CSMD1: variants seen among roughly 807,000 people sequenced by gnomAD.
CSMD1 encodes the protein CUB and sushi domain-containing protein 1.
CSMD1 carries 213 observed loss-of-function variants against 417.5 expected under a neutral mutation model. That is an observed-to-expected ratio of 0.51 (90% CI 0.46 to 0.57). The LOEUF is 0.57. Among genes scored for constraint, CSMD1 ranks in the 20% least tolerant of loss-of-function variants. The pLI, the probability that CSMD1 is intolerant of heterozygous loss-of-function variation, is 0.00. For missense variants in CSMD1, 6,923 were observed against 4,529.7 expected (o/e 1.53, Z -15.17); for synonymous variants, 2,862 against 1,736.8 (o/e 1.65, Z -16.11).
chr8:4,489,902 G>C (rs1323074431), intron 2 of CSMD1, among the ~76,000 whole-genome samples: 1 of 152,170 alleles, frequency 6.6e-6, no homozygotes, highest in Non-Finnish European at 1.5e-5. Context: ...CAGACACCGT[G>C]AGATCATTCA....
At chr8:3,119,976 G>A (rs767029871) in intron 41 of CSMD1, among the ~76,000 whole-genome samples, 4 of 152,194 alleles carry the variant, frequency 2.6e-5, no homozygotes, top group Non-Finnish European at 4.4e-5. Context: ...CTTTTCTGTG[G>A]AGAATGAAGT....
At chr8:3,739,756 C>A (rs946705283) in intron 6 of CSMD1, among the ~76,000 whole-genome samples, 1 of 151,444 alleles carries the variant, frequency 6.6e-6, no homozygotes, top group Admixed American at 6.6e-5. Flanking sequence ...AAAATAGCAA[C>A]AGATGCTACA....
chr8:3,261,745 C>T lies in CSMD1; in HGVS notation c.4153+22399G>A, dbSNP rs1346773327. On this transcript the variant is annotated intron_variant, in intron 26 of 69. Coordinates refer to ENST00000635120, the MANE Select transcript of CSMD1 (RefSeq NM_033225.6). ...AAAGGTACTGAATGAAGAGGCCAGTCCGAGAGACGACACACTGCCTGATTC... is the reference window on the plus strand; with the variant it reads ...AAAGGTACTGAATGAAGAGGCCAGTTCGAGAGACGACACACTGCCTGATTC... 2.0e-5 allele frequency among the ~76,000 whole-genome samples: 3 copies of T among 152,038 alleles called. No individual in the cohort carries two copies. The South Asian group carries it at 6.2e-4, about 32-fold the overall frequency.
At chr8:3,571,262 G>T (rs1179341625) in intron 10 of CSMD1, among the ~76,000 whole-genome samples, 1 of 152,168 alleles carries the variant, frequency 6.6e-6, no homozygotes, top group East Asian at 1.9e-4. Flanking sequence ...ACACACCTGT[G>T]AATTCTAAAT....
intron 3 of CSMD1, among the ~76,000 whole-genome samples, chr8:4,113,784 T>C (rs1415672140): frequency 1.3e-5 from 2 of 152,190 alleles, no homozygotes; most frequent in Non-Finnish European, 2.9e-5. Flanking sequence ...TCAAGTTATC[T>C]GCATAAAACA....
chr8:3,365,031 G>A (rs1434843434), intron 20 of CSMD1, among the ~76,000 whole-genome samples: 1 of 152,168 alleles, frequency 6.6e-6, no homozygotes, highest in Non-Finnish European at 1.5e-5. Flanking sequence ...TTTTTTTGGA[G>A]AAGTCTATTT....
At chr8:3,863,126 G>C (rs552921507) in intron 5 of CSMD1, among the ~76,000 whole-genome samples, 273 of 152,188 alleles carry the variant, frequency 1.8e-3, no homozygotes, top group Non-Finnish European at 1.9e-3. Flanking sequence ...GGTCGGGCGC[G>C]GTGGCTAATG....
intron 7 of CSMD1, among the ~76,000 whole-genome samples, chr8:3,691,660 G>C (rs529475633): frequency 1.3e-5 from 2 of 152,146 alleles, no homozygotes; most frequent in South Asian, 4.2e-4. Flanking sequence ...TTCGTGGCAG[G>C]CACTGGGCTA....
intron 5 of CSMD1, among the ~76,000 whole-genome samples, chr8:3,989,473 C>CA (rs908370732): frequency 1.6e-4 from 25 of 152,230 alleles, no homozygotes; most frequent in African/African-American, 5.8e-4. Flanking sequence ...GTAACACAGA[C>CA]AAAAAACCTG....
intron 3 of CSMD1, among the ~76,000 whole-genome samples, chr8:4,196,062 T>A (rs1799322679): frequency 6.6e-6 from 1 of 151,910 alleles, no homozygotes; most frequent in South Asian, 2.1e-4. Context: ...ATACAAAAAA[T>A]TAGCCGGGCG....
At chr8:4,787,001 T>G (rs955466939) in intron 1 of CSMD1, among the ~76,000 whole-genome samples, 3 of 152,314 alleles carry the variant, frequency 2.0e-5, no homozygotes, top group Non-Finnish European at 4.4e-5. Context: ...AGAGACCCCG[T>G]GTGTGTGGCA....
At chr8:4,361,216 G>A (rs1170025361) in intron 3 of CSMD1, among the ~76,000 whole-genome samples, 1 of 151,768 alleles carries the variant, frequency 6.6e-6, no homozygotes, top group Non-Finnish European at 1.5e-5. Flanking sequence ...GGTTTTCAGT[G>A]GAATACCTAA....
intron 3 of CSMD1, among the ~76,000 whole-genome samples, chr8:4,327,253 G>C (rs565400641): frequency 6.6e-6 from 1 of 152,102 alleles, no homozygotes; most frequent in African/African-American, 2.4e-5. Flanking sequence ...TAATACAAAC[G>C]TCCATTTTAC....
chr8:3,592,914 C>T (rs990579746), intron 8 of CSMD1, among the ~76,000 whole-genome samples: 10 of 151,934 alleles, frequency 6.6e-5, no homozygotes, highest in Admixed American at 3.9e-4. Context: ...AAGTCAAAGC[C>T]CACAGTGTGG....
chr8:3,783,776 G>T (rs1799305358), intron 5 of CSMD1, among the ~76,000 whole-genome samples: 1 of 152,188 alleles, frequency 6.6e-6, no homozygotes. Context: ...GGAAAAGAAA[G>T]TCGCATAGGA....
intron 20 of CSMD1, among the ~76,000 whole-genome samples, chr8:3,365,091 C>G (rs549613264): frequency 7.9e-5 from 12 of 152,220 alleles, no homozygotes; most frequent in African/African-American, 2.9e-4. Flanking sequence ...AAGTGATATT[C>G]TCATAGCAAT....
intron 52 of CSMD1, among the ~76,000 whole-genome samples, chr8:3,002,383 G>A (rs1563224960): frequency 6.6e-6 from 1 of 152,174 alleles, no homozygotes; most frequent in Non-Finnish European, 1.5e-5. Flanking sequence ...GAGGACTGGT[G>A]AGAGCCAGAA....
chr8:4,137,990 G>T (rs902166540), intron 3 of CSMD1, among the ~76,000 whole-genome samples: 54 of 142,788 alleles, frequency 3.8e-4, no homozygotes, highest in African/African-American at 1.4e-3. Context: ...CCATTCTCCC[G>T]CCTCAGCCTC....
chr8:3,518,369 C>G (rs142820233), intron 10 of CSMD1, among the ~76,000 whole-genome samples: 81 of 152,230 alleles, frequency 5.3e-4, no homozygotes, highest in African/African-American at 1.8e-3. Context: ...TAAGAAACAA[C>G]CATTTAATTG....
Sources: allele counts gnomAD v4.1 joint callset (sites outside exome capture counted in the v4.1 genomes callset), GRCh38; gene constraint gnomAD v4.1.1; transcripts MANE v1.5; gene names NCBI Gene and HGNC (gene_info 2026-07-23, HGNC 2026-07-21).